The following TMEM135 variants were observed in gnomAD, a reference collection of about 807,000 sequenced individuals.
TMEM135 encodes the protein peroxisomal membrane protein 52.
TMEM135 carries 30 observed loss-of-function variants against 60.3 expected under a neutral mutation model. The ratio of observed to expected loss-of-function variants is 0.50; its 90% CI spans 0.37 to 0.68. The LOEUF (loss-of-function observed/expected upper bound fraction) is 0.68, where lower values mean the gene tolerates loss of function less well. TMEM135 is among the 30% of genes least tolerant of loss of function. TMEM135 has a pLI of 0.00. For missense variants in TMEM135, 468 were observed against 548.8 expected (o/e 0.85, Z 1.47); for synonymous variants, 190 against 186.7 (o/e 1.02, Z -0.14).
intron 4 of TMEM135, among the ~76,000 whole-genome samples, chr11:87,112,292 A>G (rs1465799508): frequency 1.3e-5 from 2 of 152,178 alleles, no homozygotes; most frequent in Non-Finnish European, 2.9e-5. Context: ...ATTCAAGTGT[A>G]TTGTACTTTT....
At chr11:87,246,306 T>C (rs948329241) in intron 6 of TMEM135, among the ~76,000 whole-genome samples, 1 of 150,356 alleles carries the variant, frequency 6.7e-6, no homozygotes, top group Non-Finnish European at 1.5e-5. Flanking sequence ...ATTTCAACTT[T>C]GGTGAATCTG....
chr11:87,176,377 A>G (rs780075820), intron 5 of TMEM135, among the ~76,000 whole-genome samples: 11 of 152,078 alleles, frequency 7.2e-5, no homozygotes, highest in Non-Finnish European at 1.2e-4. Flanking sequence ...TGCTAGCCCC[A>G]TGTGTCTTGT....
Position 87,328,082 on chromosome 11 carries a change from C to A in TMEM135, c.*6749C>A, listed in dbSNP as rs11235101. On this transcript the variant is annotated 3_prime_UTR_variant, in exon 15 of 15. Transcript: ENST00000305494. ...ATTCCTTAATCCAGTCAAGTTGATG[C>A]CTAAAATTAACCATCACAGGCTTTA... 0.058 allele frequency: 26,309 copies of A among 453,912 alleles called. 1,619 individuals carry two copies. Among genetic ancestry groups the A allele is most frequent in the African/African-American group, 0.19 (9,283 of 50,010 alleles). The allele number at this position is 453,912 out of a possible 1,614,324, so 28.1% of individuals were successfully genotyped here.
At chr11:87,227,011 T>G (rs1024773664) in intron 5 of TMEM135, among the ~76,000 whole-genome samples, 1 of 152,048 alleles carries the variant, frequency 6.6e-6, no homozygotes, top group African/African-American at 2.4e-5. Flanking sequence ...ATTGCCCCAG[T>G]GTACTCCAGC....
At chr11:87,047,480 A>C (rs2135110807) in intron 1 of TMEM135, among the ~76,000 whole-genome samples, 1 of 151,304 alleles carries the variant, frequency 6.6e-6, no homozygotes, top group African/African-American at 2.4e-5. Context: ...GAGCCGAAGC[A>C]GGGCGAGGCA....
chr11:87,245,618 T>A lies in TMEM135; in HGVS notation c.509+8934T>A, dbSNP rs183037369. On this transcript the variant is annotated intron_variant, in intron 6 of 14. Coordinates refer to ENST00000305494, the MANE Select transcript of TMEM135 (RefSeq NM_022918.4). ...TACCATTACGTAATGGCCTTCTTTGTCTCTTTTGATTTTTGTTGGTTTAAA... is the reference window on the plus strand; with the variant it reads ...TACCATTACGTAATGGCCTTCTTTGACTCTTTTGATTTTTGTTGGTTTAAA... Among the ~76,000 whole-genome samples, 456 of 139,078 alleles carry A rather than the reference T, an allele frequency of 3.3e-3. 36 individuals carry two copies. In the East Asian group the frequency reaches 0.059, roughly 18 times the overall value. The allele number at this position is 139,078 out of a possible 152,430, so 91.2% of individuals were successfully genotyped here.
In TMEM135 at chr11:87,295,973, G is replaced by A; in HGVS notation, c.551+150G>A. ...GTATTTCCAAGCCTGCGGATAAATA[G>A]CTCATTGAAAGAGTAATTTGTCAGA... On this transcript the variant is annotated intron_variant, in intron 7 of 14. Transcript: ENST00000305494. 6.1e-6 allele frequency: 4 copies of A among 657,208 alleles called. No homozygotes were observed. In the South Asian group the frequency reaches 8.3e-5, roughly 14 times the overall value. 40.7% of individuals were successfully genotyped at this position (657,208 alleles called of 1,614,324 possible).
At chr11:87,206,061 A>G (rs984825833) in intron 5 of TMEM135, among the ~76,000 whole-genome samples, 7 of 152,222 alleles carry the variant, frequency 4.6e-5, no homozygotes, top group Non-Finnish European at 8.8e-5. Context: ...GTTGTGAACT[A>G]CTGCTCTAGT....
chr11:87,265,827 A>G (rs1024320348), intron 6 of TMEM135, among the ~76,000 whole-genome samples: 2 of 152,118 alleles, frequency 1.3e-5, no homozygotes, highest in African/African-American at 4.8e-5. Flanking sequence ...ATCAGTGATC[A>G]TTGTATGCAC....
chr11:87,058,096 C>T (rs999600973), intron 1 of TMEM135, among the ~76,000 whole-genome samples: 6 of 152,128 alleles, frequency 3.9e-5, no homozygotes, highest in Non-Finnish European at 8.8e-5. Context: ...TTGTTTTGTT[C>T]TCTTCAGGTC....
At chr11:87,182,359 C>A (rs1316124170) in intron 5 of TMEM135, among the ~76,000 whole-genome samples, 2 of 152,034 alleles carry the variant, frequency 1.3e-5, no homozygotes, top group African/African-American at 4.8e-5. Flanking sequence ...ACTGGATCTT[C>A]TTCATCTATT....
At chr11:87,275,700 G>C (rs974334573) in intron 6 of TMEM135, among the ~76,000 whole-genome samples, 2 of 151,902 alleles carry the variant, frequency 1.3e-5, no homozygotes, top group Non-Finnish European at 2.9e-5. Flanking sequence ...CACTCTTGTT[G>C]CCCAGGCTGG....
rs146437713 is a variant in TMEM135 at position 87,306,978 on chromosome 11, C to T, written c.768+973C>T. Among the ~76,000 whole-genome samples the T allele has an allele frequency of 8.3e-3, 1,267 of 152,218 alleles. 3 individuals carry two copies. Among genetic ancestry groups the T allele is most frequent in the Non-Finnish European group, 0.014 (941 of 68,024 alleles). ...TTAGGGGATCTGCCTGCCTTGACCT[C>T]CCAACACTAGGATTACAGGTGTGAA... On this transcript the variant is annotated intron_variant, in intron 9 of 14. Transcript: ENST00000305494.
chr11:87,091,966 A>T (rs1857217797), intron 4 of TMEM135, among the ~76,000 whole-genome samples: 1 of 152,140 alleles, frequency 6.6e-6, no homozygotes, highest in African/African-American at 2.4e-5. Context: ...CCAAGTTAAT[A>T]TTTTAAAAAC....
chr11:87,311,187 T>C (rs1261849283), intron 10 of TMEM135, among the ~76,000 whole-genome samples: 1 of 151,468 alleles, frequency 6.6e-6, no homozygotes, highest in Admixed American at 6.6e-5. Flanking sequence ...AAAACTCAAT[T>C]CTGGAATTAT....
At chr11:87,153,456 T>A (rs1353645717) in intron 4 of TMEM135, among the ~76,000 whole-genome samples, 1 of 152,210 alleles carries the variant, frequency 6.6e-6, no homozygotes, top group Non-Finnish European at 1.5e-5. Flanking sequence ...CAGCAAGTAT[T>A]ACTGTCATTA....
chr11:87,061,850 G>A (rs778930522), intron 1 of TMEM135, among the ~76,000 whole-genome samples: 4 of 152,138 alleles, frequency 2.6e-5, no homozygotes, highest in Non-Finnish European at 4.4e-5. Context: ...TAAATTGGGG[G>A]CCTGACCTTA....
At chr11:87,299,567 A>C (rs1942408657) in intron 7 of TMEM135, among the ~76,000 whole-genome samples, 1 of 152,218 alleles carries the variant, frequency 6.6e-6, no homozygotes, top group African/African-American at 2.4e-5. Context: ...AGGAGGTACA[A>C]AGCTAACATT....
intron 9 of TMEM135, among the ~76,000 whole-genome samples, chr11:87,307,014 C>A (rs574910648): frequency 6.6e-6 from 1 of 152,120 alleles, no homozygotes; most frequent in East Asian, 1.9e-4. Flanking sequence ...CCACCGCGCC[C>A]GGCCAAGTTC....
Sources: allele counts gnomAD v4.1 joint callset (sites outside exome capture counted in the v4.1 genomes callset), GRCh38; gene constraint gnomAD v4.1.1; transcripts MANE v1.5; gene names NCBI Gene and HGNC (gene_info 2026-07-23, HGNC 2026-07-21).